The following CDH22 variants were observed in gnomAD, a reference collection of about 807,000 sequenced individuals.
The protein encoded by CDH22 is cadherin-22.
Under a neutral mutation model 58.4 loss-of-function variants are expected in CDH22, and 30 were observed. That is an observed-to-expected ratio of 0.51 (90% CI 0.38 to 0.70). The LOEUF (loss-of-function observed/expected upper bound fraction) is 0.70, where lower values mean the gene tolerates loss of function less well. Among genes scored for constraint, CDH22 ranks in the 30% least tolerant of loss-of-function variants. CDH22 has a pLI of 0.00. For missense variants in CDH22, 1,014 were observed against 1,233.9 expected, an observed-to-expected ratio of 0.82 and a Z score of 2.67; for synonymous variants, 513 against 558.2, an observed-to-expected ratio of 0.92 and a Z score of 1.14.
At chr20:46,285,074 C>T (rs764542013) in intron 1 of CDH22, among the ~76,000 whole-genome samples, 2 of 152,182 alleles carry the variant, frequency 1.3e-5, no homozygotes, top group African/African-American at 4.8e-5. Flanking sequence ...ACTTCTCTTT[C>T]GCCCCTGTAC....
intron 3 of CDH22, among the ~76,000 whole-genome samples, chr20:46,239,101 C>A (rs1488957806): frequency 6.6e-6 from 1 of 152,216 alleles, no homozygotes; most frequent in Admixed American, 6.5e-5. Flanking sequence ...CTTACTGGAC[C>A]AATGATCTAG....
intron 1 of CDH22, among the ~76,000 whole-genome samples, chr20:46,266,642 G>A (rs2086460982): frequency 6.6e-6 from 1 of 152,230 alleles, no homozygotes; most frequent in Non-Finnish European, 1.5e-5. Flanking sequence ...GTCCCTTTGT[G>A]GTACGGGAGA....
In CDH22 at chr20:46,216,929, G is replaced by C. The variant is rs753243077; in HGVS notation, c.735C>G (p.Ile245Met). The change falls in exon 5 of 12, where the codon ATC becomes ATG. Residue 245 changes from isoleucine to methionine, a missense_variant. Ile to Met is a conservative substitution (Grantham distance 10). Around this residue, in one of 2 missense-constraint regions of CDH22, gnomAD observed 806 missense variants for 1,038.7 expected, o/e 0.78. Coordinates refer to ENST00000537909, the MANE Select transcript of CDH22 (RefSeq NM_021248.3). The surrounding 1 kb of genome is among the most constrained non-coding windows in gnomAD (Gnocchi z 5.3). ...RESQERYEVV[I>M]QATDMAGQLG... ...GCTGACCCGCCATGTCTGTGGCCTG[G>C]ATCACCACCTCGTAGCGCTCCTGGC... 1.9e-6 allele frequency: 3 copies of C among 1,610,420 alleles called. No individual in the cohort carries two copies. In the Admixed American group the frequency reaches 5.0e-5, roughly 27 times the overall value.
intron 1 of CDH22, among the ~76,000 whole-genome samples, chr20:46,287,701 A>T (rs1024351635): frequency 6.6e-5 from 10 of 151,962 alleles, no homozygotes; most frequent in Non-Finnish European, 1.2e-4. Flanking sequence ...TCATTCTAAG[A>T]GCAATGGGAA....
intron 1 of CDH22, among the ~76,000 whole-genome samples, chr20:46,283,943 C>A (rs1272931738): frequency 6.6e-6 from 1 of 152,192 alleles, no homozygotes; most frequent in Non-Finnish European, 1.5e-5. Flanking sequence ...TGAGTCCTCA[C>A]AGCTAACAAA....
intron 1 of CDH22, among the ~76,000 whole-genome samples, chr20:46,260,892 G>C (rs2086430039): frequency 6.6e-6 from 1 of 152,190 alleles, no homozygotes; most frequent in Non-Finnish European, 1.5e-5. Flanking sequence ...ACTCTGCCAA[G>C]ACCAAGAAGT....
intron 1 of CDH22, among the ~76,000 whole-genome samples, chr20:46,301,206 T>TAC (rs1325088723): frequency 2.0e-5 from 3 of 151,886 alleles, no homozygotes; most frequent in East Asian, 1.9e-4. Flanking sequence ...TATATAAATT[T>TAC]ACACACACAC....
intron 3 of CDH22, among the ~76,000 whole-genome samples, chr20:46,239,634 A>G (rs1340527909): frequency 6.6e-6 from 1 of 152,268 alleles, no homozygotes; most frequent in Non-Finnish European, 1.5e-5. Flanking sequence ...AGAGAGGTAC[A>G]GCATCCAACT....
Position 46,190,700 on chromosome 20 carries a change from C to T in CDH22, c.1424-3753G>A, listed in dbSNP as rs568328523. Among the ~76,000 whole-genome samples, 28 of 152,306 alleles carry T rather than the reference C, an allele frequency of 1.8e-4. No homozygotes were observed. The East Asian group carries it at 3.7e-3, about 20-fold the overall frequency. ...CCTTGAGGAAGGCTGATTGACAGCC[C>T]GGGGCTGAGCAGGCCTGCAGCCTTA... On this transcript the variant is annotated intron_variant, in intron 8 of 11. Transcript: ENST00000537909.
intron 4 of CDH22, chr20:46,220,431 G>T: frequency 6.5e-6 from 1 of 153,428 alleles, no homozygotes. Flanking sequence ...GGCTTACAGT[G>T]CAGCAGCCAC....
At chr20:46,187,735 A>T (rs937073093) in intron 8 of CDH22, among the ~76,000 whole-genome samples, 29 of 150,172 alleles carry the variant, frequency 1.9e-4, no homozygotes, top group Admixed American at 1.3e-3. Context: ...CCCCAACAAC[A>T]CTGTCATCAC....
At chr20:46,288,757 C>T (rs890915142) in intron 1 of CDH22, among the ~76,000 whole-genome samples, 5 of 152,204 alleles carry the variant, frequency 3.3e-5, no homozygotes, top group African/African-American at 1.2e-4. Context: ...AATCCATCAG[C>T]AAATCTTGCC....
chr20:46,291,531 C>T (rs2086602811), intron 1 of CDH22, among the ~76,000 whole-genome samples: 2 of 152,202 alleles, frequency 1.3e-5, no homozygotes, highest in Admixed American at 1.3e-4. Flanking sequence ...AGAGCTGGCT[C>T]CAGGCTTCTG....
rs1009315767 is a variant in CDH22, at chr20:46,210,109, C to A, written c.1286+198G>T. 19 of 499,086 alleles carry A rather than the reference C, an allele frequency of 3.8e-5. No individual in the cohort carries two copies. The highest frequency in any genetic ancestry group is 6.4e-5 in the Non-Finnish European group (19 of 295,260). 30.9% of individuals were successfully genotyped at this position (499,086 alleles called of 1,614,324 possible). On this transcript the variant is annotated intron_variant, in intron 7 of 11. Coordinates refer to ENST00000537909, the MANE Select transcript of CDH22 (RefSeq NM_021248.3). The surrounding 1 kb of genome is among the most constrained non-coding windows in gnomAD (Gnocchi z 4.5). Reference sequence around the variant, plus strand: ...GCCTGCCTGTCTCATTGACTGTTCTCACATCTGCTTCCTTGGCTCTTTGGC... The same window carrying A: ...GCCTGCCTGTCTCATTGACTGTTCTAACATCTGCTTCCTTGGCTCTTTGGC...
chr20:46,215,427 C>A (rs1359757352), intron 5 of CDH22, among the ~76,000 whole-genome samples: 2 of 152,080 alleles, frequency 1.3e-5, no homozygotes, highest in Non-Finnish European at 2.9e-5. Context: ...ATATAAGGTT[C>A]AAAAATGGAT....
intron 1 of CDH22, among the ~76,000 whole-genome samples, chr20:46,257,167 G>A (rs573392027): frequency 1.6e-4 from 25 of 152,086 alleles, no homozygotes; most frequent in African/African-American, 5.5e-4. Context: ...AAATTAGCTG[G>A]GTGTGCTGGC....
chr20:46,192,521 A>G (rs1297853910), intron 8 of CDH22, among the ~76,000 whole-genome samples: 2 of 150,962 alleles, frequency 1.3e-5, no homozygotes, highest in African/African-American at 4.9e-5. Flanking sequence ...AGAAGCCTGG[A>G]GAGAAAGAGA....
chr20:46,177,458 G>A (rs1045001259), intron 11 of CDH22, among the ~76,000 whole-genome samples: 1 of 152,068 alleles, frequency 6.6e-6, no homozygotes, highest in African/African-American at 2.4e-5. Flanking sequence ...CATAGCAGGT[G>A]GTGTAGTTAG....
intron 1 of CDH22, among the ~76,000 whole-genome samples, chr20:46,304,526 A>G (rs2086666008): frequency 6.6e-6 from 1 of 152,220 alleles, no homozygotes; most frequent in African/African-American, 2.4e-5. Flanking sequence ...ATCTATTTAT[A>G]TTATGCACAG....
Sources: allele counts gnomAD v4.1 joint callset (sites outside exome capture counted in the v4.1 genomes callset), GRCh38; gene constraint gnomAD v4.1.1; regional missense constraint gnomAD v4.1.1; non-coding constraint Gnocchi (gnomAD v3.1); transcripts MANE v1.5; gene names NCBI Gene and HGNC (gene_info 2026-07-23, HGNC 2026-07-21).